Variants in ADGRF5 observed in about 807,000 individuals in gnomAD.
The protein encoded by ADGRF5 is adhesion G protein-coupled receptor F5, also known as G-protein coupled receptor 116.
ADGRF5 carries 75 observed loss-of-function variants against 132.3 expected under a neutral mutation model. The ratio of observed to expected loss-of-function variants is 0.57; its 90% CI spans 0.47 to 0.69. The LOEUF (loss-of-function observed/expected upper bound fraction) is 0.69. ADGRF5 is among the 30% of genes least tolerant of loss of function. The pLI, the probability that ADGRF5 is intolerant of heterozygous loss-of-function variation, is 0.00. For missense variants in ADGRF5, 1,516 were observed against 1,630.6 expected (o/e 0.93, Z 1.21); for synonymous variants, 629 against 597.6 (o/e 1.05, Z -0.77).
chr6:46,905,269 G>T (rs1369275109), intron 2 of ADGRF5: 2 of 152,168 alleles, frequency 1.3e-5, no homozygotes, highest in South Asian at 2.1e-4. Context: ...GAAGGCTATT[G>T]TGTATGAGTG....
chr6:46,929,955 G>A (rs1249011529), intron 1 of ADGRF5, among the ~76,000 whole-genome samples: 1 of 152,032 alleles, frequency 6.6e-6, no homozygotes, highest in East Asian at 1.9e-4. Context: ...CGAGTAGCTG[G>A]GATTACAGGC....
chr6:46,935,491 T>C (rs566249773), intron 1 of ADGRF5, among the ~76,000 whole-genome samples: 2 of 152,236 alleles, frequency 1.3e-5, no homozygotes, highest in Admixed American at 1.3e-4. Context: ...TTCCCCATTT[T>C]CTCTTCATTA....
intron 10 of ADGRF5, among the ~76,000 whole-genome samples, chr6:46,877,849 C>T (rs543329812): frequency 1.2e-4 from 18 of 152,174 alleles, no homozygotes; most frequent in Non-Finnish European, 2.4e-4. Flanking sequence ...TGACAAATGA[C>T]CTCATCCTTA....
At chr6:46,880,618 C>G (rs1311660461) in intron 8 of ADGRF5, among the ~76,000 whole-genome samples, 1 of 152,078 alleles carries the variant, frequency 6.6e-6, no homozygotes, top group Admixed American at 6.6e-5. Flanking sequence ...TCTGTCCCAC[C>G]CATAGCTGTG....
chr6:46,893,941 A>C (rs558056657), intron 3 of ADGRF5, among the ~76,000 whole-genome samples: 2 of 152,322 alleles, frequency 1.3e-5, no homozygotes, highest in South Asian at 2.1e-4. Flanking sequence ...CAAGATATTT[A>C]GGTCTTAATC....
At chr6:46,943,150 A>C (rs1333581085) in intron 1 of ADGRF5, among the ~76,000 whole-genome samples, 3 of 148,910 alleles carry the variant, frequency 2.0e-5, no homozygotes, top group Admixed American at 2.0e-4. Context: ...ACTTACACAT[A>C]CAAAAAAAAA....
chr6:46,891,632 T>A (rs574437778), intron 3 of ADGRF5, among the ~76,000 whole-genome samples: 1 of 152,326 alleles, frequency 6.6e-6, no homozygotes, highest in East Asian at 1.9e-4. Flanking sequence ...AAAATATCAA[T>A]GCCTGCCTGA....
At position 46,884,048 on chromosome 6, in the gene ADGRF5, T is replaced by C. The variant is rs374427114; in HGVS notation, c.505+47A>G. The C allele has an allele frequency of 8.1e-6, 12 of 1,479,688 alleles. No homozygotes were observed. The African/African-American group carries it at 1.7e-4, about 20-fold the overall frequency. The allele number at this position is 1,479,688 out of a possible 1,614,324, so 91.7% of individuals were successfully genotyped here. A position where few individuals can be genotyped will look rare whatever the true frequency, so the allele number is the denominator to read the frequency against. Reference sequence around the variant, plus strand: ...TGAGCCACCATGCCCAGTCGTAAACTGATGTTGAATAGCCACTCAACGAGC... The same window carrying C: ...TGAGCCACCATGCCCAGTCGTAAACCGATGTTGAATAGCCACTCAACGAGC... On this transcript the variant is annotated intron_variant, in intron 5 of 20. Coordinates refer to ENST00000283296, the MANE Select transcript of ADGRF5 (RefSeq NM_001098518.2).
At chr6:46,880,660 G>C (rs1237502331) in intron 8 of ADGRF5, among the ~76,000 whole-genome samples, 1 of 152,202 alleles carries the variant, frequency 6.6e-6, no homozygotes, top group African/African-American at 2.4e-5. Flanking sequence ...GTCTGGCCGA[G>C]CCTTAGTTCC....
chr6:46,900,674 C>T (rs1774668215), intron 2 of ADGRF5, among the ~76,000 whole-genome samples: 1 of 152,214 alleles, frequency 6.6e-6, no homozygotes, highest in African/African-American at 2.4e-5. Flanking sequence ...GCCACTTACT[C>T]TGTGGCTTTG....
At chr6:46,879,731 C>T (rs1160479990) in intron 9 of ADGRF5, 87 bp downstream of exon 9, 1 of 907,350 alleles carries the variant, frequency 1.1e-6, no homozygotes, top group East Asian at 2.4e-5. Context: ...ACACTATCTA[C>T]ATAGCTACGT....
intron 10 of ADGRF5, among the ~76,000 whole-genome samples, chr6:46,874,887 G>A (rs1023709801): frequency 3.9e-5 from 6 of 152,202 alleles, no homozygotes; most frequent in African/African-American, 1.4e-4. Flanking sequence ...TTTGGTTGTT[G>A]TAACTGGAGA....
chr6:46,906,522 C>T (rs1232450060), intron 2 of ADGRF5, 139 bp downstream of exon 2: 1 of 622,682 alleles, frequency 1.6e-6, no homozygotes, highest in Non-Finnish European at 2.8e-6. Context: ...AACATTTTTT[C>T]TTATGTTGCA....
At chr6:46,945,963 G>A (rs1381574115) in intron 1 of ADGRF5, among the ~76,000 whole-genome samples, 2 of 152,160 alleles carry the variant, frequency 1.3e-5, no homozygotes, top group Non-Finnish European at 2.9e-5. Flanking sequence ...TATGAGGGAA[G>A]CTGCCCTCAT....
In ADGRF5 at chr6:46,906,581, C is replaced by A. The variant is rs1295361614; in HGVS notation, c.102+80G>T. ...CCCCCTAAAGTTTTTTCTCCTTAAACTTTTTGTAAGAACCATTGTCAGTCA... is the reference window on the plus strand; with the variant it reads ...CCCCCTAAAGTTTTTTCTCCTTAAAATTTTTGTAAGAACCATTGTCAGTCA... On this transcript the variant is annotated intron_variant, in intron 2 of 20. Coordinates refer to ENST00000283296, the MANE Select transcript of ADGRF5 (RefSeq NM_001098518.2). 3 of 792,264 alleles carry A rather than the reference C, an allele frequency of 3.8e-6. No homozygotes were observed. In the African/African-American group the frequency reaches 5.3e-5, roughly 14 times the overall value. 49.1% of individuals were successfully genotyped at this position (792,264 alleles called of 1,614,324 possible).
At chr6:46,879,773 G>T in intron 9 of ADGRF5, 45 bp downstream of exon 9, 1 of 1,268,752 alleles carries the variant, frequency 7.9e-7, no homozygotes, top group Non-Finnish European at 1.2e-6. Context: ...TTCTTTATAA[G>T]CTCTTCATTC....
chr6:46,914,356 A>G (rs905886781), intron 1 of ADGRF5, among the ~76,000 whole-genome samples: 1 of 152,240 alleles, frequency 6.6e-6, no homozygotes, highest in Non-Finnish European at 1.5e-5. Flanking sequence ...TTATTTGATT[A>G]GATGATTCAT....
intron 10 of ADGRF5, 72 bp from the exon 11 acceptor site, chr6:46,872,085 A>T: frequency 9.3e-7 from 1 of 1,069,984 alleles, no homozygotes; most frequent in Non-Finnish European, 1.3e-6. Flanking sequence ...AGGTCAAATC[A>T]TTTTTTTTTC....
chr6:46,904,435 T>G, intron 2 of ADGRF5, among the ~76,000 whole-genome samples: 1 of 152,092 alleles, frequency 6.6e-6, no homozygotes, highest in East Asian at 1.9e-4. Context: ...CTAAGTGAAA[T>G]AAGTCAGCCA....
Sources: allele counts gnomAD v4.1 joint callset (sites outside exome capture counted in the v4.1 genomes callset), GRCh38; gene constraint gnomAD v4.1.1; transcripts MANE v1.5; gene names NCBI Gene and HGNC (gene_info 2026-07-23, HGNC 2026-07-21).